Variants in ALOX12B observed in about 807,000 individuals in gnomAD.
ALOX12B encodes the protein arachidonate 12-lipoxygenase, 12R type.
A neutral mutation model predicts 78.9 loss-of-function variants in ALOX12B; 47 were observed. The ratio of observed to expected loss-of-function variants is 0.60; its 90% CI spans 0.47 to 0.76. The LOEUF is 0.76. Ranked by LOEUF, ALOX12B falls within the 30% of genes least tolerant of loss-of-function variation. The pLI is 0.00. For missense variants in ALOX12B, 805 were observed against 922.6 expected, an observed-to-expected ratio of 0.87 and a Z score of 1.65; for synonymous variants, 370 against 374.5, an observed-to-expected ratio of 0.99 and a Z score of 0.14.
rs931179189 is a variant in ALOX12B, at chr17:8,084,449, A to G, written c.352+1567T>C. Among the ~76,000 whole-genome samples the G allele has an allele frequency of 2.0e-5, 3 of 152,304 alleles. No homozygotes were observed. In the East Asian group the frequency reaches 5.8e-4, roughly 29 times the overall value. ...GAAGACTCACTCCTTTGAGGGCCCT[A>G]TGGGTGACTCAAGTCTCCCTGTCCT... On this transcript the variant is annotated intron_variant, in intron 2 of 14. Coordinates refer to ENST00000647874, the MANE Select transcript of ALOX12B (RefSeq NM_001139.3).
Position 8,073,306 on chromosome 17 carries a change from C to A in ALOX12B, c.1768G>T (p.Ala590Ser), listed in dbSNP as rs1278400647. The A allele has an allele frequency of 1.9e-6, 3 of 1,614,132 alleles. No homozygotes were observed. Among genetic ancestry groups the A allele is most frequent in the East Asian group, 4.5e-5 (2 of 44,890 alleles). Residue 590 changes from alanine (A) to serine (S), a missense_variant, in exon 14 of 15, where the codon GCC becomes TCC. By Grantham distance (99) the Ala-to-Ser change is moderately conservative. Transcript: ENST00000647874. Reference sequence around the variant, plus strand: ...GACGCTGGGAAGTTGGGCATCCAGGCGGTGAACTCCATCTGGAGGTGGGAT... The same window carrying A: ...GACGCTGGGAAGTTGGGCATCCAGGAGGTGAACTCCATCTGGAGGTGGGAT... ...AVNTGQMEFTAWMPNFPASMR... is the reference protein window; with the variant it reads ...AVNTGQMEFTSWMPNFPASMR...
At chr17:8,084,317 C>T (rs1403626984) in intron 2 of ALOX12B, among the ~76,000 whole-genome samples, 2 of 152,158 alleles carry the variant, frequency 1.3e-5, no homozygotes, top group Non-Finnish European at 2.9e-5. Flanking sequence ...CTTACCTCAC[C>T]ACCCTCTCCC....
In ALOX12B at chr17:8,076,348, T is replaced by C; in HGVS notation, c.1363-4A>G. Reference sequence around the variant, plus strand: ...CTTCCACGCCCAGGGACATGCCCTGTGAGGAAGGAGGCAGATCCTGGAGCC... The same window carrying C: ...CTTCCACGCCCAGGGACATGCCCTGCGAGGAAGGAGGCAGATCCTGGAGCC... On this transcript the variant is annotated splice_region_variant and splice_polypyrimidine_tract_variant and intron_variant, in intron 10 of 14. Transcript: ENST00000647874. 1 of 1,596,352 alleles carries C rather than the reference T, an allele frequency of 6.3e-7. No individual in the cohort carries two copies. Among genetic ancestry groups the C allele is most frequent in the South Asian group, 1.1e-5 (1 of 88,832 alleles).
intron 9 of ALOX12B, 46 bp downstream of exon 9, chr17:8,076,944 T>C (rs746312889): frequency 1.9e-6 from 3 of 1,589,708 alleles, no homozygotes; most frequent in South Asian, 2.3e-5. Flanking sequence ...GGAGGCCAGG[T>C]GAGGGCCATG....
Position 8,080,442 on chromosome 17 carries a change from G to T in ALOX12B, c.651-104C>A. 1 of 1,436,224 alleles carries T rather than the reference G, an allele frequency of 7.0e-7. No homozygotes were observed. Among genetic ancestry groups the T allele is most frequent in the Non-Finnish European group, 9.8e-7 (1 of 1,020,690 alleles). 89.0% of individuals were successfully genotyped at this position (1,436,224 alleles called of 1,614,324 possible). A position where few individuals can be genotyped will look rare whatever the true frequency, so the allele number is the denominator to read the frequency against. ...TCCACTTAGGTCTCTGGGTCTCAGG[G>T]TCTGTGCGTCGCAAAGTCTCTGGGT... On this transcript the variant is annotated intron_variant, in intron 5 of 14. Coordinates refer to ENST00000647874, the MANE Select transcript of ALOX12B (RefSeq NM_001139.3). The surrounding 1 kb of genome is among the most constrained non-coding windows in gnomAD (Gnocchi z 4.8).
rs59195938 is a variant in ALOX12B, at chr17:8,087,231, CACACAG to C, written c.147+59_147+64del. The C allele has an allele frequency of 8.8e-3, 8,080 of 921,838 alleles. 316 individuals carry two copies. The African/African-American group carries it at 0.29, about 33-fold the overall frequency. 57.1% of individuals were successfully genotyped at this position (921,838 alleles called of 1,614,324 possible). ...AAAGACACACAGACACACACAGACA[CACACAG>C]ACACACACACACACACACACAGACA... On this transcript the variant is annotated intron_variant, in intron 1 of 14. Transcript: ENST00000647874.
chr17:8,079,326 C>CGCGCGCACACTCGGAGGAGCAT lies in ALOX12B; in HGVS notation c.1071+48_1071+69dup. 1 of 1,539,392 alleles carries CGCGCGCACACTCGGAGGAGCAT rather than the reference C, an allele frequency of 6.5e-7. No individual in the cohort carries two copies. On this transcript the variant is annotated intron_variant, in intron 8 of 14. Transcript: ENST00000647874. The surrounding 1 kb of genome is among the most constrained non-coding windows in gnomAD (Gnocchi z 6.4). ...ATGCAGGTCCACACGCTCACATAAG[C>CGCGCGCACACTCGGAGGAGCAT]GCGCGCACACTCGGAGGAGCATTCG... is the stretch of plus-strand genomic sequence containing the variant.
At chr17:8,082,751 C>T (rs1048390828) in intron 2 of ALOX12B, among the ~76,000 whole-genome samples, 3 of 152,108 alleles carry the variant, frequency 2.0e-5, no homozygotes, top group African/African-American at 2.4e-5. Context: ...CCTCCCTGGC[C>T]CCCACTCTTT....
chr17:8,082,960 C>G (rs989327395), intron 2 of ALOX12B, among the ~76,000 whole-genome samples: 1 of 152,126 alleles, frequency 6.6e-6, no homozygotes, highest in African/African-American at 2.4e-5. Flanking sequence ...CTGCAAAGTA[C>G]AGAAAGCTGT....
chr17:8,084,538 C>A (rs1336072936), intron 2 of ALOX12B, among the ~76,000 whole-genome samples: 1 of 152,214 alleles, frequency 6.6e-6, no homozygotes, highest in East Asian at 1.9e-4. Flanking sequence ...CCCTGCCTGT[C>A]CCCTGCTTCC....
intron 2 of ALOX12B, among the ~76,000 whole-genome samples, chr17:8,083,381 C>A (rs1178349371): frequency 6.6e-6 from 1 of 152,190 alleles, no homozygotes; most frequent in East Asian, 1.9e-4. Context: ...GGGGACAAGG[C>A]TGGATTTGCC....
At position 8,080,235 on chromosome 17, in the gene ALOX12B, C is replaced by T; in HGVS notation, c.754G>A (p.Glu252Lys). 6.2e-7 allele frequency: 1 copy of T among 1,614,024 alleles called. No individual in the cohort carries two copies. The highest frequency in any genetic ancestry group is 8.5e-7 in the Non-Finnish European group (1 of 1,179,864). Residue 252 changes from glutamate to lysine, a missense_variant and splice_region_variant, in exon 6 of 15, where the codon GAG becomes AAG. Transcript: ENST00000647874. This position sits in a 1 kb window ranked among gnomAD's most constrained non-coding sequence, Gnocchi z 4.8. ...IFPGKKSVVS[E>K]YVAEHWAEDT... ...CGATCCGGGACGCCCCATTCCATACCGGAGACGACAGATTTCTTGCCAGGG... is the reference window on the plus strand; with the variant it reads ...CGATCCGGGACGCCCCATTCCATACTGGAGACGACAGATTTCTTGCCAGGG...
In ALOX12B at chr17:8,077,165, G is replaced by A; in HGVS notation, c.1100C>T (p.Pro367Leu). The A allele has an allele frequency of 1.9e-6, 3 of 1,613,524 alleles. No individual in the cohort carries two copies. Among genetic ancestry groups the A allele is most frequent in the South Asian group, 1.1e-5 (1 of 90,988 alleles). ...QLSQTPGPDC[P>L]IFLPSDSEWD... ...CTCAGAATCACTGGGCAGGAAGATGGGGCAATCTGGCCCAGGGGTCTGGCT... is the reference window on the plus strand; with the variant it reads ...CTCAGAATCACTGGGCAGGAAGATGAGGCAATCTGGCCCAGGGGTCTGGCT... Residue 367 changes from proline (P) to leucine (L), a missense_variant, in exon 9 of 15, where the codon CCC (proline) becomes CTC (leucine). Coordinates refer to ENST00000647874, the MANE Select transcript of ALOX12B (RefSeq NM_001139.3).
At position 8,084,657 on chromosome 17, in the gene ALOX12B, C is replaced by T. The variant is rs3027295; in HGVS notation, c.352+1359G>A. ...CTTTCCTCGCCTCTCCTTTCCCCAG[C>T]TCAGGCCCTGTTCCCCAATCCTGGG... On this transcript the variant is annotated intron_variant, in intron 2 of 14. Transcript: ENST00000647874. Among the ~76,000 whole-genome samples, 839 of 152,352 alleles carry T rather than the reference C, an allele frequency of 5.5e-3. 6 individuals carry two copies. The highest frequency in any genetic ancestry group is 0.018 in the South Asian group (89 of 4,832).
intron 1 of ALOX12B, 117 bp from the exon 2 acceptor site, chr17:8,086,337 G>C: frequency 9.9e-7 from 1 of 1,012,582 alleles, no homozygotes; most frequent in African/African-American, 1.6e-5. Flanking sequence ...CACCTCCCTG[G>C]ACTGACGGAG....
Position 8,079,283 on chromosome 17 carries a change from C to A in ALOX12B, c.1071+113G>T. On this transcript the variant is annotated intron_variant, in intron 8 of 14. Coordinates refer to ENST00000647874, the MANE Select transcript of ALOX12B (RefSeq NM_001139.3). The surrounding 1 kb of genome is among the most constrained non-coding windows in gnomAD (Gnocchi z 6.4). ...CCTGGAACCAATCTCTCAAGGATAACGAGAGACGGCTGAATACATGCAGGT... is the reference window on the plus strand; with the variant it reads ...CCTGGAACCAATCTCTCAAGGATAAAGAGAGACGGCTGAATACATGCAGGT... The A allele has an allele frequency of 4.2e-6, 6 of 1,440,562 alleles. No individual in the cohort carries two copies. The highest frequency in any genetic ancestry group is 5.6e-6 in the Non-Finnish European group (6 of 1,071,598). 89.2% of individuals were successfully genotyped at this position (1,440,562 alleles called of 1,614,324 possible).
intron 8 of ALOX12B, among the ~76,000 whole-genome samples, chr17:8,078,945 C>T (rs1269976292): frequency 2.1e-5 from 3 of 143,146 alleles, no homozygotes; most frequent in Non-Finnish European, 3.0e-5. Flanking sequence ...TCGCCCAGAG[C>T]GACATGCAGT....
rs2151822692 is a variant in ALOX12B at position 8,079,057 on chromosome 17, C to T, written c.1071+339G>A. Among the ~76,000 whole-genome samples, 1 of 152,194 alleles carries T rather than the reference C, an allele frequency of 6.6e-6. No homozygotes were observed. The highest frequency in any genetic ancestry group is 2.1e-4 in the South Asian group (1 of 4,818). The stretch of plus-strand genomic sequence containing the variant: ...GGACTACAGGCGCCCGCCACCACGC[C>T]CGGCTAAATTTTTGTATTTTTAGTA... On this transcript the variant is annotated intron_variant, in intron 8 of 14. Transcript: ENST00000647874. This position sits in a 1 kb window ranked among gnomAD's most constrained non-coding sequence, Gnocchi z 6.4.
intron 2 of ALOX12B, among the ~76,000 whole-genome samples, chr17:8,085,510 C>G (rs1978294208): frequency 6.6e-6 from 1 of 152,150 alleles, no homozygotes; most frequent in African/African-American, 2.4e-5. Flanking sequence ...CTGTTGAACT[C>G]AAAGGGCTTC....
Sources: gnomAD v4.1 joint callset for allele counts (sites outside exome capture counted in the v4.1 genomes callset) on GRCh38, gnomAD v4.1.1 for gene constraint, Gnocchi (gnomAD v3.1) non-coding constraint, MANE v1.5 for transcripts, NCBI Gene and HGNC (gene_info 2026-07-23, HGNC 2026-07-21) for gene names.